Variants in SOX5 observed in about 807,000 individuals in gnomAD.
SOX5 encodes transcription factor SOX-5.
Under a neutral mutation model 92.0 loss-of-function variants are expected in SOX5, and 9 were observed. The ratio of observed to expected loss-of-function variants is 0.10; its 90% confidence interval spans 0.06 to 0.17. The LOEUF (loss-of-function observed/expected upper bound fraction) is 0.17, where lower values mean the gene tolerates loss of function less well. Among genes scored for constraint, SOX5 ranks in the 10% least tolerant of loss-of-function variants. SOX5 has a pLI of 1.00. For missense variants in SOX5, 642 were observed against 944.5 expected (o/e 0.68, Z 4.20); for synonymous variants, 344 against 336.3 (o/e 1.02, Z -0.25).
chr12:24,038,663 A>G (rs964384593), intron 4 of SOX5, among the ~76,000 whole-genome samples: 1 of 152,124 alleles, frequency 6.6e-6, no homozygotes, highest in Non-Finnish European at 1.5e-5. Flanking sequence ...ATTTTTATCC[A>G]TTTCTTATGG....
chr12:23,577,174 C>CATAT (rs1420125655), intron 9 of SOX5, among the ~76,000 whole-genome samples: 1 of 93,918 alleles, frequency 1.1e-5, no homozygotes, highest in South Asian at 3.7e-4. Context: ...CACACACACA[C>CATAT]ACATATATAT....
chr12:23,720,055 C>A (rs181471396), intron 6 of SOX5, among the ~76,000 whole-genome samples: 4 of 152,140 alleles, frequency 2.6e-5, no homozygotes, highest in Non-Finnish European at 5.9e-5. Flanking sequence ...CATTTAAGAG[C>A]AGTAGCCTTT....
At chr12:24,032,408 T>A (rs540359639) in intron 4 of SOX5, among the ~76,000 whole-genome samples, 1 of 152,052 alleles carries the variant, frequency 6.6e-6, no homozygotes, top group Non-Finnish European at 1.5e-5. Context: ...TAATTTCACC[T>A]ATAATATAAT....
chr12:24,438,095 T>C (rs1596628204), intron 1 of SOX5, among the ~76,000 whole-genome samples: 2 of 152,330 alleles, frequency 1.3e-5, no homozygotes, highest in Middle Eastern at 3.4e-3. Context: ...TGGAATACTA[T>C]GCAGCCATAA....
intron 1 of SOX5, among the ~76,000 whole-genome samples, chr12:23,948,113 G>C (rs536282177): frequency 6.6e-6 from 1 of 151,272 alleles, no homozygotes; most frequent in Non-Finnish European, 1.5e-5. Flanking sequence ...GCAAATAAAA[G>C]CTCACTAATT....
intron 2 of SOX5, among the ~76,000 whole-genome samples, chr12:23,879,268 G>T (rs1441375387): frequency 1.3e-5 from 2 of 151,998 alleles, no homozygotes; most frequent in Non-Finnish European, 2.9e-5. Context: ...AATGTAGGAG[G>T]TAGTGGCTAC....
chr12:24,560,836 G>T (rs1036653968), intron 1 of SOX5, among the ~76,000 whole-genome samples: 2 of 152,116 alleles, frequency 1.3e-5, no homozygotes, highest in Non-Finnish European at 2.9e-5. Flanking sequence ...TTTTCCTCTG[G>T]TTTTTCTGAT....
At chr12:24,140,355 T>G (rs574020259) in intron 4 of SOX5, among the ~76,000 whole-genome samples, 2 of 152,136 alleles carry the variant, frequency 1.3e-5, no homozygotes, top group African/African-American at 4.8e-5. Flanking sequence ...AAAGGCATGA[T>G]GAGTGATGTG....
At chr12:24,392,931 G>A (rs1253629793) in intron 1 of SOX5, among the ~76,000 whole-genome samples, 3 of 152,036 alleles carry the variant, frequency 2.0e-5, no homozygotes, top group Non-Finnish European at 4.4e-5. Flanking sequence ...TGGGCTTTAG[G>A]GCCCCCATGT....
rs1373616862 is a variant in SOX5, at chr12:23,584,930, C to T, written c.1165-9092G>A. On this transcript the variant is annotated intron_variant, in intron 9 of 14. Transcript: ENST00000451604. The stretch of plus-strand genomic sequence containing the variant: ...TAATCAAATTTCAAACAGTTTAAGA[C>T]AATTTTCATTTTTAAAGTGATCTGA... Among the ~76,000 whole-genome samples the T allele has an allele frequency of 7.2e-5, 11 of 152,014 alleles. No individual in the cohort carries two copies. The East Asian group carries it at 1.7e-3, about 24-fold the overall frequency.
Position 23,530,020 on chromosome 12 carries a change from T to C in SOX5, c.*4199A>G, listed in dbSNP as rs1470423063. 1 of 152,186 alleles carries C rather than the reference T, an allele frequency of 6.6e-6. No homozygotes were observed. Among genetic ancestry groups the C allele is most frequent in the Non-Finnish European group, 1.5e-5 (1 of 68,020 alleles). The allele number at this position is 152,186 out of a possible 1,614,324, so 9.4% of individuals were successfully genotyped here. A position where few individuals can be genotyped will look rare whatever the true frequency, so the allele number is the denominator to read the frequency against. Reference sequence around the variant, plus strand: ...ATCAATCAGTAGGAAACTCAACACATCGTCTTCAACCTGGGAAGTTGATAG... The same window carrying C: ...ATCAATCAGTAGGAAACTCAACACACCGTCTTCAACCTGGGAAGTTGATAG... On this transcript the variant is annotated 3_prime_UTR_variant, in exon 15 of 15. Coordinates refer to ENST00000451604, the MANE Select transcript of SOX5 (RefSeq NM_006940.6).
At chr12:24,321,754 G>T (rs1179784552) in intron 2 of SOX5, among the ~76,000 whole-genome samples, 1 of 152,082 alleles carries the variant, frequency 6.6e-6, no homozygotes, top group African/African-American at 2.4e-5. Flanking sequence ...AATATTCATC[G>T]AGTACCTAGA....
At chr12:23,879,793 G>C (rs2096967167) in intron 2 of SOX5, among the ~76,000 whole-genome samples, 1 of 152,112 alleles carries the variant, frequency 6.6e-6, no homozygotes, top group South Asian at 2.1e-4. Context: ...CTTGAATCCA[G>C]GGCACTGGAG....
In SOX5 at chr12:23,740,960, C is replaced by G. The variant is rs775858000; in HGVS notation, c.648G>C (p.Leu216=). 2.5e-6 allele frequency: 4 copies of G among 1,612,548 alleles called. No homozygotes were observed. Among genetic ancestry groups the G allele is most frequent in the Non-Finnish European group, 2.5e-6 (3 of 1,178,978 alleles). The change falls in exon 5 of 15, where the codon CTG becomes CTC. Residue 216 remains leucine, a synonymous_variant. Coordinates refer to ENST00000451604, the MANE Select transcript of SOX5 (RefSeq NM_006940.6). The stretch of plus-strand genomic sequence containing the variant: ...TCTTCTGCTCATCGTGGGCAGCCAA[C>G]AGCTGCTCTCGGAGGCTGGTCAGCT... The part of the protein sequence containing the change: ...INQLTSLREQ[L]LAAHDEQKKL...
intron 4 of SOX5, among the ~76,000 whole-genome samples, chr12:24,004,504 C>A (rs1951946122): frequency 6.6e-6 from 1 of 151,988 alleles, no homozygotes; most frequent in South Asian, 2.1e-4. Flanking sequence ...TAGCTATATA[C>A]ATATAAAAAG....
At chr12:24,398,233 G>T (rs1230479110) in intron 1 of SOX5, among the ~76,000 whole-genome samples, 1 of 152,200 alleles carries the variant, frequency 6.6e-6, no homozygotes, top group East Asian at 1.9e-4. Flanking sequence ...GCCAGATGCA[G>T]TGGCTCACGC....
At chr12:23,642,059 G>T (rs1246438385) in intron 7 of SOX5, among the ~76,000 whole-genome samples, 1 of 152,128 alleles carries the variant, frequency 6.6e-6, no homozygotes, top group Non-Finnish European at 1.5e-5. Flanking sequence ...GCCTCTTGCA[G>T]TATGTTCACT....
intron 4 of SOX5, among the ~76,000 whole-genome samples, chr12:24,193,390 G>T (rs1785663310): frequency 6.6e-6 from 1 of 152,184 alleles, no homozygotes; most frequent in South Asian, 2.1e-4. Context: ...CCCAGGGACT[G>T]AAGTCAATCC....
rs1219584386 is a variant in SOX5, at chr12:23,788,136, C to T, written c.482-32412G>A. On this transcript the variant is annotated intron_variant, in intron 3 of 14. Transcript: ENST00000451604. ...TATTATGGTTTATCATTTAAAAAAA[C>T]AAAATTGGAGTTACAGAAAGACAAA... Among the ~76,000 whole-genome samples, 3 of 149,862 alleles carry T rather than the reference C, an allele frequency of 2.0e-5. No homozygotes were observed. The East Asian group carries it at 5.9e-4, about 29-fold the overall frequency.
Sources: allele counts gnomAD v4.1 joint callset (sites outside exome capture counted in the v4.1 genomes callset), GRCh38; gene constraint gnomAD v4.1.1; transcripts MANE v1.5; gene names NCBI Gene and HGNC (gene_info 2026-07-23, HGNC 2026-07-21).